MESD: variants seen among roughly 807,000 people sequenced by gnomAD.
MESD encodes LRP chaperone MESD.
A neutral mutation model predicts 12.9 loss-of-function variants in MESD; 7 were observed. The ratio of observed to expected loss-of-function variants is 0.54; its 90% CI spans 0.31 to 1.02. MESD has a LOEUF of 1.02. Among genes scored for constraint, MESD ranks in the 50% least tolerant of loss-of-function variants. The pLI, the probability that MESD is intolerant of heterozygous loss-of-function variation, is 0.05. For missense variants in MESD, 342 were observed against 296.7 expected, an observed-to-expected ratio of 1.15 and a Z score of -1.12; for synonymous variants, 126 against 115.6, an observed-to-expected ratio of 1.09 and a Z score of -0.58.
chr15:80,951,377 CACAA>C (rs1250811025), intron 4 of MESD: 3 of 152,556 alleles, frequency 2.0e-5, no homozygotes, highest in African/African-American at 7.2e-5. Flanking sequence ...TTCTTGGTAG[CACAA>C]ATTTTCTTAT....
At chr15:80,987,796 C>A (rs1382400744) in intron 1 of MESD, among the ~76,000 whole-genome samples, 1 of 150,138 alleles carries the variant, frequency 6.7e-6, no homozygotes, top group African/African-American at 2.4e-5. Context: ...GCCAACCTGT[C>A]TTTTTACTAC....
rs1008279750 is a variant in MESD at position 80,976,732 on chromosome 15, T to C, written c.*2487A>G. Reference sequence around the variant, plus strand: ...CTGCTAGGAATTTACCTTTCAGATATAAACAAAAGTGTACCGAAATATTTT... The same window carrying C: ...CTGCTAGGAATTTACCTTTCAGATACAAACAAAAGTGTACCGAAATATTTT... On this transcript the variant is annotated 3_prime_UTR_variant, in exon 3 of 3. Transcript: ENST00000261758. The C allele has an allele frequency of 6.6e-6, 1 of 152,182 alleles. No individual in the cohort carries two copies. The highest frequency in any genetic ancestry group is 1.5e-5 in the Non-Finnish European group (1 of 68,036). 9.4% of individuals were successfully genotyped at this position (152,182 alleles called of 1,614,324 possible).
intron 2 of MESD, among the ~76,000 whole-genome samples, chr15:80,980,435 T>C (rs1902544845): frequency 6.6e-6 from 1 of 152,204 alleles, no homozygotes; most frequent in South Asian, 2.1e-4. Context: ...AAATTAGTTA[T>C]CGGTTAACAG....
At chr15:80,986,401 G>A (rs539659249) in intron 1 of MESD, among the ~76,000 whole-genome samples, 1 of 152,270 alleles carries the variant, frequency 6.6e-6, no homozygotes, top group Admixed American at 6.5e-5. Flanking sequence ...CAAACAGCTA[G>A]GAGAGAATTT....
At chr15:80,969,714 G>A (rs1478027607) in intron 3 of MESD, among the ~76,000 whole-genome samples, 3 of 152,194 alleles carry the variant, frequency 2.0e-5, no homozygotes, top group African/African-American at 4.8e-5. Flanking sequence ...AATTAGCCAG[G>A]TGTGGTGGCG....
chr15:80,963,314 T>C (rs1271448043), intron 3 of MESD, among the ~76,000 whole-genome samples: 1 of 151,900 alleles, frequency 6.6e-6, no homozygotes, highest in Non-Finnish European at 1.5e-5. Flanking sequence ...CAATAACAGG[T>C]TCTGAAATTG....
intron 1 of MESD, among the ~76,000 whole-genome samples, chr15:80,988,848 G>T (rs1729361428): frequency 6.6e-6 from 1 of 151,346 alleles, no homozygotes; most frequent in South Asian, 2.1e-4. Context: ...TTAGGAAGGG[G>T]AAAAGGCAGC....
chr15:80,982,235 ACTGGC>A, intron 1 of MESD, 53 bp from the exon 2 acceptor site: 1 of 1,499,900 alleles, frequency 6.7e-7, no homozygotes. Flanking sequence ...TTGCTTTTCA[ACTGGC>A]ACAGGCAAAA....
At chr15:80,962,190 C>G (rs575512352) in intron 3 of MESD, among the ~76,000 whole-genome samples, 6 of 152,264 alleles carry the variant, frequency 3.9e-5, no homozygotes, top group African/African-American at 1.4e-4. Flanking sequence ...GGGTTGCAAA[C>G]CTGGTCTCTG....
rs747221234 is a variant in MESD at position 80,979,315 on chromosome 15, TGTTTTA to T, written c.603_608del (p.Asn201_Thr203delinsLys). The T allele has an allele frequency of 1.9e-6, 3 of 1,614,156 alleles. No homozygotes were observed. The highest frequency in any genetic ancestry group is 2.5e-6 in the Non-Finnish European group (3 of 1,180,016). ...TCTTTTTTTTGCCCTTGTCTTGCTT[TGTTTTA>T]TTTTTCTCTTTGCTTCCTCCTCCTT... On this transcript the variant is annotated inframe_deletion, in exon 3 of 3. Transcript: ENST00000261758.
At chr15:80,958,680 G>A (rs1399895298) in intron 3 of MESD, among the ~76,000 whole-genome samples, 3 of 152,158 alleles carry the variant, frequency 2.0e-5, no homozygotes, top group Admixed American at 2.0e-4. Flanking sequence ...GTGCTCTGCT[G>A]AGCAAAGAAC....
downstream of MESD, among the ~76,000 whole-genome samples, chr15:80,975,316 T>C (rs986689516): frequency 4.9e-4 from 75 of 151,950 alleles, no homozygotes; most frequent in Non-Finnish European, 5.6e-4. Context: ...ACTCAGGAGT[T>C]TGAGGCTGCA....
rs539335181 is a variant in MESD at position 80,969,536 on chromosome 15, T to C, written c.*288+9395A>G. ...AGATTACAGTGGCTGGTGTCAGTTT[T>C]GGAGTCTGCCTGCCTGAGTTTAAAT... On this transcript the variant is annotated intron_variant, in intron 3 of 4. Transcript: ENST00000561312. 7.2e-5 allele frequency among the ~76,000 whole-genome samples: 11 copies of C among 152,192 alleles called. No individual in the cohort carries two copies. In the South Asian group the frequency reaches 2.1e-3, roughly 29 times the overall value.
intron 1 of MESD, among the ~76,000 whole-genome samples, chr15:80,982,508 AC>A (rs1445400314): frequency 6.6e-6 from 1 of 152,236 alleles, no homozygotes; most frequent in African/African-American, 2.4e-5. Flanking sequence ...GAAATACTTC[AC>A]AGCAACAGAG....
chr15:80,986,957 T>C (rs1024607468), intron 1 of MESD, among the ~76,000 whole-genome samples: 2 of 152,216 alleles, frequency 1.3e-5, no homozygotes, highest in Admixed American at 6.5e-5. Flanking sequence ...CCATTTAATA[T>C]ACAAGGAAGA....
At chr15:80,953,234 G>T (rs1177601796) in intron 3 of MESD, among the ~76,000 whole-genome samples, 1 of 152,158 alleles carries the variant, frequency 6.6e-6, no homozygotes, top group African/African-American at 2.4e-5. Flanking sequence ...AGGGTGGGGG[G>T]TTACTAGTGA....
At chr15:80,970,927 T>C (rs1261742580), downstream of MESD, among the ~76,000 whole-genome samples, 2 of 152,180 alleles carry the variant, frequency 1.3e-5, no homozygotes, top group Non-Finnish European at 2.9e-5. Flanking sequence ...GGTGATCAGA[T>C]ATCACCTGGG....
chr15:80,955,487 C>CAAAAAAA (rs1169755665), intron 3 of MESD, among the ~76,000 whole-genome samples: 2,932 of 45,326 alleles, frequency 0.065, 61 homozygotes, highest in Middle Eastern at 0.24. Context: ...GACTCCGTCT[C>CAAAAAAA]AAAAAAAAAA....
At chr15:80,967,634 A>C (rs1415887049) in intron 3 of MESD, among the ~76,000 whole-genome samples, 1 of 152,196 alleles carries the variant, frequency 6.6e-6, no homozygotes, top group Admixed American at 6.5e-5. Context: ...TCCTGCAGGA[A>C]GAATGCGGGC....
Sources: allele counts gnomAD v4.1 joint callset (sites outside exome capture counted in the v4.1 genomes callset), GRCh38; gene constraint gnomAD v4.1.1; transcripts MANE v1.5; gene names NCBI Gene and HGNC (gene_info 2026-07-23, HGNC 2026-07-21).